Variants in CNTN4 observed in about 807,000 individuals in gnomAD.
CNTN4 encodes the protein contactin-4.
A neutral mutation model predicts 122.5 loss-of-function variants in CNTN4; 77 were observed. That is an observed-to-expected ratio of 0.63 (90% CI 0.52 to 0.76). CNTN4 has a LOEUF of 0.76. CNTN4 is among the 30% of genes least tolerant of loss of function. The pLI, the probability that CNTN4 is intolerant of heterozygous loss-of-function variation, is 0.00. For missense variants in CNTN4, 1,256 were observed against 1,259.1 expected (o/e 1.00, Z 0.04); for synonymous variants, 512 against 447.0 (o/e 1.15, Z -1.83).
chr3:2,260,731 TA>T (rs1005029238), intron 2 of CNTN4, among the ~76,000 whole-genome samples: 31 of 84,172 alleles, frequency 3.7e-4, no homozygotes, highest in Non-Finnish European at 1.9e-4. Context: ...TTTATTTATT[TA>T]TTTTTTTTTT....
intron 3 of CNTN4, among the ~76,000 whole-genome samples, chr3:2,415,264 A>G (rs1029127028): frequency 6.6e-6 from 1 of 152,210 alleles, no homozygotes; most frequent in African/African-American, 2.4e-5. Flanking sequence ...TCAAGGAGCA[A>G]CAGTATTTTA....
intron 4 of CNTN4, among the ~76,000 whole-genome samples, chr3:2,732,676 CTT>C (rs2088786089): frequency 1.3e-5 from 2 of 152,132 alleles, no homozygotes; most frequent in African/African-American, 2.4e-5. Flanking sequence ...TCTCAGGACT[CTT>C]TGTCTCACCC....
At chr3:2,974,552 C>T (rs775503268) in intron 13 of CNTN4, among the ~76,000 whole-genome samples, 11 of 152,280 alleles carry the variant, frequency 7.2e-5, no homozygotes, top group Non-Finnish European at 1.2e-4. Flanking sequence ...CCAAGTCACA[C>T]GTCTAGCAGA....
intron 2 of CNTN4, among the ~76,000 whole-genome samples, chr3:2,140,249 C>A (rs1243712531): frequency 6.6e-6 from 1 of 152,140 alleles, no homozygotes; most frequent in African/African-American, 2.4e-5. Flanking sequence ...AATACACCAC[C>A]TGAAATAATG....
intron 4 of CNTN4, among the ~76,000 whole-genome samples, chr3:2,582,799 ACCT>A (rs2080003562): frequency 6.6e-6 from 1 of 151,964 alleles, no homozygotes; most frequent in Admixed American, 6.6e-5. Flanking sequence ...TTCCTGCCAA[ACCT>A]CCTGGTGGCC....
intron 2 of CNTN4, among the ~76,000 whole-genome samples, chr3:2,174,729 C>T (rs1319090174): frequency 6.6e-6 from 1 of 152,128 alleles, no homozygotes; most frequent in South Asian, 2.1e-4. Context: ...TTAATTGACT[C>T]ACAGTTCTGC....
At chr3:2,521,352 C>CCCCCCCCCCCCCCA (rs1553678488) in intron 3 of CNTN4, among the ~76,000 whole-genome samples, 9 of 32,638 alleles carry the variant, frequency 2.8e-4, no homozygotes, top group African/African-American at 1.2e-3. Flanking sequence ...ATCCCCCCCA[C>CCCCCCCCCCCCCCA]CCCCCGCAAT....
chr3:2,751,616 G>C (rs900371664), intron 6 of CNTN4, among the ~76,000 whole-genome samples: 3 of 152,104 alleles, frequency 2.0e-5, no homozygotes, highest in Non-Finnish European at 4.4e-5. Flanking sequence ...ACAGCTTAAC[G>C]AAGGGGATGT....
chr3:2,120,399 A>ATT (rs2033680481), intron 2 of CNTN4, among the ~76,000 whole-genome samples: 7 of 30,744 alleles, frequency 2.3e-4, no homozygotes, highest in East Asian at 1.1e-3. Context: ...ATATATATAT[A>ATT]TATATATTTT....
intron 2 of CNTN4, among the ~76,000 whole-genome samples, chr3:2,269,979 G>C (rs1244490505): frequency 2.7e-4 from 11 of 40,010 alleles, no homozygotes; most frequent in African/African-American, 6.5e-4. Context: ...GTCTCGCTCT[G>C]TCGCCCAGGC....
intron 13 of CNTN4, among the ~76,000 whole-genome samples, chr3:2,969,289 C>T (rs779096991): frequency 2.0e-5 from 3 of 152,206 alleles, no homozygotes; most frequent in East Asian, 1.9e-4. Context: ...ACCTCTTTTC[C>T]AGTTGTTGGA....
intron 7 of CNTN4, among the ~76,000 whole-genome samples, chr3:2,844,358 C>T (rs572383851): frequency 2.0e-5 from 3 of 152,144 alleles, no homozygotes; most frequent in Admixed American, 6.5e-5. Context: ...ATGTTAAGGT[C>T]ACCATAGATA....
At chr3:2,401,261 A>T (rs1298258609) in intron 3 of CNTN4, among the ~76,000 whole-genome samples, 1 of 152,118 alleles carries the variant, frequency 6.6e-6, no homozygotes, top group Non-Finnish European at 1.5e-5. Context: ...AGACCCCAAG[A>T]GGTTTCTCAA....
At chr3:2,894,260 G>A (rs965999564) in intron 10 of CNTN4, among the ~76,000 whole-genome samples, 4 of 152,136 alleles carry the variant, frequency 2.6e-5, no homozygotes, top group Admixed American at 1.3e-4. Flanking sequence ...GGAAAGAGAG[G>A]ACATAATGGA....
In CNTN4 at chr3:2,542,201, A is replaced by C. The variant is rs115892196; in HGVS notation, c.-88-29215A>C. On this transcript the variant is annotated intron_variant, in intron 3 of 24. Coordinates refer to ENST00000418658, the MANE Select transcript of CNTN4 (RefSeq NM_175607.3). ...TTGATAAGATCAGCAAAGATGCTAG[A>C]AGTAAGACTGACTGTGAAATAGCTG... Among the ~76,000 whole-genome samples, 313 of 152,268 alleles carry C rather than the reference A, an allele frequency of 2.1e-3. 1 individual carries two copies. The highest frequency in any genetic ancestry group is 7.0e-3 in the African/African-American group (291 of 41,572).
chr3:2,397,819 T>C (rs933705744), intron 3 of CNTN4, among the ~76,000 whole-genome samples: 1 of 152,186 alleles, frequency 6.6e-6, no homozygotes, highest in Non-Finnish European at 1.5e-5. Flanking sequence ...TTTCATATTA[T>C]TCATAGAAAT....
Position 2,298,025 on chromosome 3 carries a change from C to G in CNTN4, c.-144-41153C>G, listed in dbSNP as rs568607577. Reference sequence around the variant, plus strand: ...GGGTTTTCAGGTGTGAGCCAGCGTGCCTGGTCATCTGTTATGTTAAGTGAA... The same window carrying G: ...GGGTTTTCAGGTGTGAGCCAGCGTGGCTGGTCATCTGTTATGTTAAGTGAA... On this transcript the variant is annotated intron_variant, in intron 2 of 24. Transcript: ENST00000418658. 2.2e-4 allele frequency among the ~76,000 whole-genome samples: 33 copies of G among 152,250 alleles called. No homozygotes were observed. In the South Asian group the frequency reaches 6.8e-3, roughly 32 times the overall value.
intron 3 of CNTN4, among the ~76,000 whole-genome samples, chr3:2,421,832 A>G (rs181187089): frequency 1.3e-5 from 2 of 152,312 alleles, no homozygotes; most frequent in East Asian, 3.9e-4. Context: ...TGAGCTAACA[A>G]TGCTATTCTC....
At chr3:2,661,646 C>G (rs1264318813) in intron 4 of CNTN4, among the ~76,000 whole-genome samples, 1 of 151,786 alleles carries the variant, frequency 6.6e-6, no homozygotes, top group Non-Finnish European at 1.5e-5. Flanking sequence ...AACCCTGTCT[C>G]TACTGAAAGT....
Sources: allele counts gnomAD v4.1 joint callset (sites outside exome capture counted in the v4.1 genomes callset), GRCh38; gene constraint gnomAD v4.1.1; transcripts MANE v1.5; gene names NCBI Gene and HGNC (gene_info 2026-07-23, HGNC 2026-07-21).